The following PCDHGA8 variants were observed in gnomAD, a reference collection of about 807,000 sequenced individuals.
PCDHGA8 encodes the protein protocadherin gamma-A8.
In PCDHGA8, 45 loss-of-function variants were observed where a neutral mutation model predicts 59.2. That is an observed-to-expected ratio of 0.76 (90% confidence interval 0.60 to 0.98). The LOEUF (loss-of-function observed/expected upper bound fraction) is 0.98, where lower values mean the gene tolerates loss of function less well. Among genes scored for constraint, PCDHGA8 ranks in the 50% least tolerant of loss-of-function variants. The pLI, the probability that PCDHGA8 is intolerant of heterozygous loss-of-function variation, is 0.00. For synonymous variants in PCDHGA8, 531 were observed against 519.0 expected, an observed-to-expected ratio of 1.02 and a Z score of -0.32; for missense variants, 1,257 against 1,196.2, an observed-to-expected ratio of 1.05 and a Z score of -0.75.
In PCDHGA8 at chr5:141,487,930, G is replaced by T; in HGVS notation, c.2425-6877G>T. On this transcript the variant is annotated intron_variant, in intron 1 of 3. Coordinates refer to ENST00000398604, the MANE Select transcript of PCDHGA8 (RefSeq NM_032088.2). This position sits in a 1 kb window ranked among gnomAD's most constrained non-coding sequence, Gnocchi z 5.0. Reference sequence around the variant, plus strand: ...GAGCACAGGAGGCTACAGTGCACAGGGTACAGTGCACCAGGCAGTCACTTG... The same window carrying T: ...GAGCACAGGAGGCTACAGTGCACAGTGTACAGTGCACCAGGCAGTCACTTG... 2 of 613,220 alleles carry T rather than the reference G, an allele frequency of 3.3e-6. No homozygotes were observed. Among genetic ancestry groups the T allele is most frequent in the African/African-American group, 1.8e-5 (1 of 54,186 alleles). 38.0% of individuals were successfully genotyped at this position (613,220 alleles called of 1,614,324 possible).
chr5:141,394,306 G>T lies in PCDHGA8; in HGVS notation c.1493G>T (p.Gly498Val). Reference sequence around the variant, plus strand: ...TCTGTGACCGAGGACACGCTGCAGGGGGCGCCCCTGTCCTCGTATATCTCC... The same window carrying T: ...TCTGTGACCGAGGACACGCTGCAGGTGGCGCCCCTGTCCTCGTATATCTCC... Reference protein sequence around the residue: ...TYSVTEDTLQGAPLSSYISIN... With the variant: ...TYSVTEDTLQVAPLSSYISIN... Residue 498 changes from glycine (G) to valine (V), a missense_variant, in exon 1 of 4, where the codon GGG (glycine) becomes GTG (valine). Transcript: ENST00000398604. 6.2e-7 allele frequency: 1 copy of T among 1,613,958 alleles called. No individual in the cohort carries two copies. The highest frequency in any genetic ancestry group is 8.5e-7 in the Non-Finnish European group (1 of 1,179,880).
At chr5:141,404,672 G>T in intron 1 of PCDHGA8, 1 of 1,614,156 alleles carries the variant, frequency 6.2e-7, no homozygotes, top group Non-Finnish European at 8.5e-7. Flanking sequence ...TGGTTCTACT[G>T]GTGTGGAGCT....
At chr5:141,479,241 G>T (rs2099490987) in intron 1 of PCDHGA8, 1 of 152,174 alleles carries the variant, frequency 6.6e-6, no homozygotes, top group Admixed American at 6.5e-5. Context: ...CAAACCCAAA[G>T]ATAACCATTT....
chr5:141,473,193 A>G (rs938175797), intron 1 of PCDHGA8, among the ~76,000 whole-genome samples: 2 of 152,232 alleles, frequency 1.3e-5, no homozygotes, highest in African/African-American at 4.8e-5. Flanking sequence ...GAGTAAATGT[A>G]TCTTCTAAAA....
chr5:141,439,368 A>C (rs1346879772), intron 1 of PCDHGA8, among the ~76,000 whole-genome samples: 1 of 152,192 alleles, frequency 6.6e-6, no homozygotes, highest in East Asian at 1.9e-4. Flanking sequence ...CATCAAGAAG[A>C]AATAAAAATA....
At chr5:141,427,115 C>G (rs1276437779) in intron 1 of PCDHGA8, 5 of 457,520 alleles carry the variant, frequency 1.1e-5, no homozygotes, top group African/African-American at 1.0e-4. Flanking sequence ...AGATCACCTA[C>G]TCTTTCAAAT....
In PCDHGA8 at chr5:141,431,887, T is replaced by C; in HGVS notation, c.2424+36650T>C. The C allele has an allele frequency of 1.2e-6, 2 of 1,614,190 alleles. No individual in the cohort carries two copies. The highest frequency in any genetic ancestry group is 1.7e-6 in the Non-Finnish European group (2 of 1,179,996). ...TTTTAAATGTAAATGACCAAGATTCTGAGGAAAACGGACAGGTGATCTGTT... is the reference window on the plus strand; with the variant it reads ...TTTTAAATGTAAATGACCAAGATTCCGAGGAAAACGGACAGGTGATCTGTT... On this transcript the variant is annotated intron_variant, in intron 1 of 3. Coordinates refer to ENST00000398604, the MANE Select transcript of PCDHGA8 (RefSeq NM_032088.2). The surrounding 1 kb of genome is among the most constrained non-coding windows in gnomAD (Gnocchi z 4.8).
At position 141,393,721 on chromosome 5, in the gene PCDHGA8, T is replaced by C. The variant is rs769235037; in HGVS notation, c.908T>C (p.Ile303Thr). Reference sequence around the variant, plus strand: ...AATGAAAATACTGGGGAAATATCAATAGCAAAAAGTCTAGATTATGAAGAA... The same window carrying C: ...AATGAAAATACTGGGGAAATATCAACAGCAAAAAGTCTAGATTATGAAGAA... Reference protein sequence around the residue: ...QLNENTGEISIAKSLDYEECS... With the variant: ...QLNENTGEISTAKSLDYEECS... Residue 303 changes from isoleucine to threonine, a missense_variant, in exon 1 of 4, where the codon ATA becomes ACA. Transcript: ENST00000398604. 1.6e-5 allele frequency: 26 copies of C among 1,613,752 alleles called. No individual in the cohort carries two copies. Among genetic ancestry groups the C allele is most frequent in the African/African-American group, 8.0e-5 (6 of 75,030 alleles).
intron 1 of PCDHGA8, chr5:141,475,934 GC>G (rs879308605): frequency 6.0e-6 from 4 of 665,236 alleles, no homozygotes; most frequent in Non-Finnish European, 1.0e-5. Context: ...TCGGGCCCCT[GC>G]CCGTCCCCTT....
intron 1 of PCDHGA8, among the ~76,000 whole-genome samples, chr5:141,454,900 C>T (rs1411402448): frequency 1.4e-5 from 2 of 145,486 alleles, no homozygotes; most frequent in African/African-American, 2.6e-5. Flanking sequence ...CACCGCCTCC[C>T]GGGTTCACGC....
intron 1 of PCDHGA8, among the ~76,000 whole-genome samples, chr5:141,473,773 T>C (rs1473510505): frequency 6.6e-6 from 1 of 152,254 alleles, no homozygotes; most frequent in Non-Finnish European, 1.5e-5. Context: ...GGATTTGGTA[T>C]TTTAATTCAA....
At chr5:141,441,073 G>A (rs1591647632) in intron 1 of PCDHGA8, 1 of 152,152 alleles carries the variant, frequency 6.6e-6, no homozygotes, top group Non-Finnish European at 1.5e-5. Flanking sequence ...AATTTCCATG[G>A]TTTTGGTAGC....
chr5:141,432,960 G>C lies in PCDHGA8; in HGVS notation c.2424+37723G>C. ...CAGGCTTCAGGAGGCGGCTTGACAG[G>C]AGCGCCGGCGTCGCACTTTGTGGGC... On this transcript the variant is annotated intron_variant, in intron 1 of 3. Transcript: ENST00000398604. This position sits in a 1 kb window ranked among gnomAD's most constrained non-coding sequence, Gnocchi z 6.0. The C allele has an allele frequency of 2.5e-6, 4 of 1,614,188 alleles. No homozygotes were observed. The highest frequency in any genetic ancestry group is 3.4e-6 in the Non-Finnish European group (4 of 1,180,034).
At chr5:141,441,855 G>A in intron 1 of PCDHGA8, 3 of 351,872 alleles carry the variant, frequency 8.5e-6, no homozygotes, top group Admixed American at 4.0e-5. Flanking sequence ...ATATGGTGCT[G>A]CACGCCGCGG....
intron 1 of PCDHGA8, chr5:141,404,552 G>A: frequency 6.2e-7 from 1 of 1,613,826 alleles, no homozygotes; most frequent in Non-Finnish European, 8.5e-7. Context: ...GCAGGTGACG[G>A]CAAGTGACAG....
At chr5:141,446,621 C>T (rs1284919173) in intron 1 of PCDHGA8, among the ~76,000 whole-genome samples, 2 of 152,094 alleles carry the variant, frequency 1.3e-5, no homozygotes, top group Non-Finnish European at 2.9e-5. Flanking sequence ...GGACTACAGG[C>T]GTGCACCACC....
intron 1 of PCDHGA8, chr5:141,412,979 C>A: frequency 1.8e-6 from 1 of 542,930 alleles, no homozygotes; most frequent in Non-Finnish European, 3.2e-6. Flanking sequence ...AAAACGCAGC[C>A]AGAGCTCAAT....
In PCDHGA8 at chr5:141,476,784, C is replaced by A; in HGVS notation, c.2425-18023C>A. 1 of 1,613,520 alleles carries A rather than the reference C, an allele frequency of 6.2e-7. No homozygotes were observed. On this transcript the variant is annotated intron_variant, in intron 1 of 3. Transcript: ENST00000398604. The surrounding 1 kb of genome is among the most constrained non-coding windows in gnomAD (Gnocchi z 7.6). ...ACGGCGTTGGACGGAGGGACCCCAGCTCTCTCCGCCAGCCTGCCTATTCAC... is the reference window on the plus strand; with the variant it reads ...ACGGCGTTGGACGGAGGGACCCCAGATCTCTCCGCCAGCCTGCCTATTCAC...
rs202065305 is a variant in PCDHGA8 at position 141,410,175 on chromosome 5, C to A, written c.2424+14938C>A. 1.1e-5 allele frequency: 17 copies of A among 1,613,752 alleles called. No homozygotes were observed. In the African/African-American group the frequency reaches 2.1e-4, roughly 20 times the overall value. ...GGACAGCCGCCACTCTCTGCCACCG[C>A]CACGCTTCATCTGGTCTTCGCAGAC... On this transcript the variant is annotated intron_variant, in intron 1 of 3. Transcript: ENST00000398604.
Sources: allele counts gnomAD v4.1 joint callset (sites outside exome capture counted in the v4.1 genomes callset), GRCh38; gene constraint gnomAD v4.1.1; non-coding constraint Gnocchi (gnomAD v3.1); transcripts MANE v1.5; gene names NCBI Gene and HGNC (gene_info 2026-07-23, HGNC 2026-07-21).